SMCO4: variants seen among roughly 807,000 people sequenced by gnomAD.
The protein encoded by SMCO4 is single-pass membrane and coiled-coil domain-containing protein 4.
Under a neutral mutation model 3.6 loss-of-function variants are expected in SMCO4, and 4 were observed. That is an observed-to-expected ratio of 1.11 (90% CI 0.54 to 2.53). SMCO4 has a LOEUF of 2.53. Among genes scored for constraint, SMCO4 ranks in the 30% most tolerant of loss-of-function variants. The pLI, the probability that SMCO4 is intolerant of heterozygous loss-of-function variation, is 0.02. For missense variants in SMCO4, 70 were observed against 80.8 expected, an observed-to-expected ratio of 0.87 and a Z score of 0.51; for synonymous variants, 36 against 35.3, an observed-to-expected ratio of 1.02 and a Z score of -0.07.
intron 1 of SMCO4, among the ~76,000 whole-genome samples, chr11:93,500,401 C>T (rs1001439638): frequency 6.6e-6 from 1 of 152,188 alleles, no homozygotes; most frequent in African/African-American, 2.4e-5. Context: ...CAAAGAGCTT[C>T]ACAGATGTAT....
chr11:93,551,413 G>A, the SMCO4 span, among the ~76,000 whole-genome samples: 1 of 152,128 alleles, frequency 6.6e-6, no homozygotes, highest in Non-Finnish European at 1.5e-5. Flanking sequence ...GACAAGAAGT[G>A]CAACTTCTCG....
chr11:93,481,248 C>G (rs979302222), intron 2 of SMCO4, among the ~76,000 whole-genome samples: 2 of 152,254 alleles, frequency 1.3e-5, no homozygotes, highest in Admixed American at 6.5e-5. Context: ...ACAATGAGAA[C>G]AGCTTGTCTT....
Position 93,495,160 on chromosome 11 carries a change from A to G in SMCO4, c.-81+4116T>C, listed in dbSNP as rs1948759770. Among the ~76,000 whole-genome samples, 3 of 152,122 alleles carry G rather than the reference A, an allele frequency of 2.0e-5. No individual in the cohort carries two copies. The South Asian group carries it at 6.2e-4, about 32-fold the overall frequency. ...TCTTTCAAGACCCATCTCAAGGGTCACATGACTTTCCATCCCCCAGGGTGA... is the reference window on the plus strand; with the variant it reads ...TCTTTCAAGACCCATCTCAAGGGTCGCATGACTTTCCATCCCCCAGGGTGA... On this transcript the variant is annotated intron_variant, in intron 2 of 2. Transcript: ENST00000298966.
intron 2 of SMCO4, among the ~76,000 whole-genome samples, chr11:93,489,291 T>C (rs1948687040): frequency 1.3e-5 from 2 of 152,142 alleles, no homozygotes; most frequent in Admixed American, 6.5e-5. Context: ...GACTGGTACA[T>C]AGTAGGTATA....
chr11:93,481,271 T>G (rs1948588873), intron 2 of SMCO4, among the ~76,000 whole-genome samples: 1 of 152,252 alleles, frequency 6.6e-6, no homozygotes, highest in African/African-American at 2.4e-5. Context: ...AGGATGACTG[T>G]GAGAATCTGG....
chr11:93,546,482 A>G (rs544561857), upstream of SMCO4, among the ~76,000 whole-genome samples: 14 of 152,348 alleles, frequency 9.2e-5, no homozygotes, highest in African/African-American at 3.4e-4. Context: ...AATGACAATT[A>G]CATTTATTGG....
chr11:93,480,530 C>T (rs1034163498), intron 2 of SMCO4, among the ~76,000 whole-genome samples: 4 of 152,138 alleles, frequency 2.6e-5, no homozygotes, highest in Admixed American at 2.0e-4. Flanking sequence ...AACACAGTGA[C>T]GGAGTGGGGT....
intron 1 of SMCO4, among the ~76,000 whole-genome samples, chr11:93,527,193 A>C (rs928220100): frequency 6.6e-6 from 1 of 152,180 alleles, no homozygotes; most frequent in African/African-American, 2.4e-5. Context: ...ATGGCTTTCT[A>C]CTGTCAAATG....
At chr11:93,552,132 A>G in the SMCO4 span, among the ~76,000 whole-genome samples, 1 of 151,756 alleles carries the variant, frequency 6.6e-6, no homozygotes, top group African/African-American at 2.4e-5. Context: ...AATTTAAAAA[A>G]AAGTCAGTAC....
intron 2 of SMCO4, among the ~76,000 whole-genome samples, chr11:93,493,492 C>CA (rs1437629278): frequency 6.6e-6 from 1 of 152,204 alleles, no homozygotes; most frequent in African/African-American, 2.4e-5. Flanking sequence ...ACACTGCACG[C>CA]ATACCCATGC....
At chr11:93,480,582 A>G (rs1344984376) in intron 2 of SMCO4, among the ~76,000 whole-genome samples, 2 of 152,214 alleles carry the variant, frequency 1.3e-5, no homozygotes, top group African/African-American at 4.8e-5. Context: ...CCATTACAAT[A>G]TTCTCGGAGA....
Position 93,514,865 on chromosome 11 carries a change from T to C in SMCO4, c.-153-15517A>G, listed in dbSNP as rs117287092. On this transcript the variant is annotated intron_variant, in intron 1 of 2. Coordinates refer to ENST00000298966, the MANE Select transcript of SMCO4 (RefSeq NM_020179.3). Reference sequence around the variant, plus strand: ...ACACATCGTCTCCTATAATCCTCCATCTGCAGGGTTGGGGTAATTATCCCC... The same window carrying C: ...ACACATCGTCTCCTATAATCCTCCACCTGCAGGGTTGGGGTAATTATCCCC... Among the ~76,000 whole-genome samples, 783 of 152,302 alleles carry C rather than the reference T, an allele frequency of 5.1e-3. 35 individuals carry two copies. The East Asian group carries it at 0.076, about 15-fold the overall frequency.
At chr11:93,539,040 G>C (rs1165422353) in intron 1 of SMCO4, among the ~76,000 whole-genome samples, 3 of 152,196 alleles carry the variant, frequency 2.0e-5, no homozygotes, top group African/African-American at 7.2e-5. Context: ...GATCATTGCA[G>C]TGACACTTAG....
chr11:93,485,617 G>T (rs958198037), intron 2 of SMCO4, among the ~76,000 whole-genome samples: 1 of 152,098 alleles, frequency 6.6e-6, no homozygotes, highest in East Asian at 1.9e-4. Flanking sequence ...CACTTCTCGG[G>T]GACTGCAAAT....
intron 1 of SMCO4, among the ~76,000 whole-genome samples, chr11:93,518,504 T>C (rs903610610): frequency 1.3e-4 from 20 of 152,340 alleles, no homozygotes; most frequent in African/African-American, 4.6e-4. Flanking sequence ...GATCATTCTA[T>C]GTTTAACTTT....
chr11:93,498,615 A>G (rs1000984572), intron 2 of SMCO4, among the ~76,000 whole-genome samples: 1 of 152,264 alleles, frequency 6.6e-6, no homozygotes, highest in African/African-American at 2.4e-5. Flanking sequence ...GTGAAAAAAA[A>G]GTATCAGATA....
chr11:93,478,756 C>CACAA lies in SMCO4; in HGVS notation c.*253_*254insTTGT. 4.0e-5 allele frequency: 37 copies of CACAA among 914,154 alleles called. No individual in the cohort carries two copies. The highest frequency in any genetic ancestry group is 5.2e-5 in the Non-Finnish European group (35 of 676,886). The allele number at this position is 914,154 out of a possible 1,614,324, so 56.6% of individuals were successfully genotyped here. On this transcript the variant is annotated 3_prime_UTR_variant, in exon 3 of 3. Transcript: ENST00000298966. ...ACACACACACACACACACACACATG[C>CACAA]GCGCGCGCTTTGAAGTCTGAAAGGC...
At chr11:93,525,380 C>T (rs546734288) in intron 1 of SMCO4, among the ~76,000 whole-genome samples, 1 of 152,306 alleles carries the variant, frequency 6.6e-6, no homozygotes, top group African/African-American at 2.4e-5. Flanking sequence ...AGGCACACAG[C>T]AACTGAAGCT....
the SMCO4 span, among the ~76,000 whole-genome samples, chr11:93,551,359 G>A: frequency 6.6e-6 from 1 of 152,062 alleles, no homozygotes; most frequent in African/African-American, 2.4e-5. Flanking sequence ...TGGGGACGTG[G>A]TCCTCCTCAC....
Sources: gnomAD v4.1 joint callset for allele counts (sites outside exome capture counted in the v4.1 genomes callset) on GRCh38, gnomAD v4.1.1 for gene constraint, MANE v1.5 for transcripts, NCBI Gene and HGNC (gene_info 2026-07-23, HGNC 2026-07-21) for gene names.